The following WDR17 variants were observed in gnomAD, a reference collection of about 807,000 sequenced individuals.
WDR17 encodes the protein WD repeat domain 17.
In WDR17, 143 loss-of-function variants were observed where a neutral mutation model predicts 161.7. The observed-to-expected ratio is 0.88, with a 90% CI of 0.77 to 1.02. The LOEUF is 1.02. Among genes scored for constraint, WDR17 ranks in the 50% least tolerant of loss-of-function variants. The pLI, the probability that WDR17 is intolerant of heterozygous loss-of-function variation, is 0.00. For synonymous variants in WDR17, 517 were observed against 515.6 expected, an observed-to-expected ratio of 1.00 and a Z score of -0.04; for missense variants, 1,469 against 1,520.9, an observed-to-expected ratio of 0.97 and a Z score of 0.57.
At chr4:176,079,041 T>C (rs1734412098) in intron 1 of WDR17, among the ~76,000 whole-genome samples, 1 of 152,138 alleles carries the variant, frequency 6.6e-6, no homozygotes, top group Non-Finnish European at 1.5e-5. Context: ...CTGTACCCTT[T>C]GTGGCTTCTC....
intron 17 of WDR17, among the ~76,000 whole-genome samples, chr4:176,152,988 TATG>T (rs2126823641): frequency 6.6e-6 from 1 of 151,850 alleles, no homozygotes; most frequent in African/African-American, 2.4e-5. Context: ...TCTCTACCAA[TATG>T]ATATTAAGTG....
chr4:176,177,237 CATT>C (rs1751578384), intron 27 of WDR17, 81 bp downstream of exon 27: 3 of 1,264,824 alleles, frequency 2.4e-6, no homozygotes, highest in East Asian at 4.8e-5. Context: ...TGTGTGGTCT[CATT>C]AATTTTAGCA....
chr4:176,069,799 T>C (rs1732990887), intron 1 of WDR17, among the ~76,000 whole-genome samples: 1 of 152,126 alleles, frequency 6.6e-6, no homozygotes, highest in African/African-American at 2.4e-5. Context: ...AGCACTCGTG[T>C]TTAACATGCT....
chr4:176,131,842 T>C (rs763059339), intron 7 of WDR17, 104 bp downstream of exon 7: 17 of 924,930 alleles, frequency 1.8e-5, no homozygotes, highest in Non-Finnish European at 2.3e-5. Flanking sequence ...TTTTTGTAAG[T>C]AATAATATAC....
chr4:176,087,282 G>A (rs541351450), intron 1 of WDR17, among the ~76,000 whole-genome samples: 51 of 151,798 alleles, frequency 3.4e-4, no homozygotes, highest in African/African-American at 1.1e-3. Context: ...CAATGAAAAC[G>A]TTCATATTCT....
In WDR17 at chr4:176,146,191, C is replaced by T. The variant is rs746850646; in HGVS notation, c.1694+32C>T. On this transcript the variant is annotated intron_variant, in intron 12 of 28. Transcript: ENST00000508596. ...ATTTTTGGATTCTAATTTTCTAGTC[C>T]TTAAAATCATAAGCTTATATTTTCC... 5.6e-6 allele frequency: 9 copies of T among 1,596,784 alleles called. No homozygotes were observed. The South Asian group carries it at 9.0e-5, about 16-fold the overall frequency.
At chr4:176,072,850 T>G (rs1733418577) in intron 1 of WDR17, among the ~76,000 whole-genome samples, 1 of 152,180 alleles carries the variant, frequency 6.6e-6, no homozygotes, top group African/African-American at 2.4e-5. Flanking sequence ...AAAAGTGAGT[T>G]TCACAAAACT....
intron 12 of WDR17, among the ~76,000 whole-genome samples, chr4:176,147,616 A>G (rs1746393982): frequency 6.6e-6 from 1 of 152,134 alleles, no homozygotes; most frequent in African/African-American, 2.4e-5. Context: ...TAATATATTA[A>G]ATTACTGTAT....
chr4:176,128,999 C>G, intron 6 of WDR17, 139 bp downstream of exon 6: 1 of 686,790 alleles, frequency 1.5e-6, no homozygotes, highest in Non-Finnish European at 2.2e-6. Flanking sequence ...TATATGTGCT[C>G]AAGGATCCAT....
chr4:176,078,192 G>T (rs963650818), intron 1 of WDR17, among the ~76,000 whole-genome samples: 21 of 152,026 alleles, frequency 1.4e-4, no homozygotes, highest in Middle Eastern at 3.4e-3. Context: ...ATGGATAGTG[G>T]ATTGTTTTTA....
intron 1 of WDR17, among the ~76,000 whole-genome samples, chr4:176,085,619 T>C (rs779210461): frequency 2.6e-5 from 4 of 152,080 alleles, no homozygotes; most frequent in Non-Finnish European, 5.9e-5. Context: ...TATTTTTTTA[T>C]GTCAGTAAGT....
chr4:176,143,046 A>G (rs1745539266), intron 11 of WDR17, among the ~76,000 whole-genome samples: 1 of 151,980 alleles, frequency 6.6e-6, no homozygotes, highest in Admixed American at 6.6e-5. Flanking sequence ...CGCCCAGCTA[A>G]TTTTGTATTT....
chr4:176,093,270 T>C (rs1023478397), intron 1 of WDR17, among the ~76,000 whole-genome samples: 2 of 152,052 alleles, frequency 1.3e-5, no homozygotes, highest in African/African-American at 4.8e-5. Flanking sequence ...CCCAAAACAA[T>C]CTACACATTC....
At chr4:176,117,229 T>C (rs1293358892) in intron 3 of WDR17, among the ~76,000 whole-genome samples, 2 of 152,006 alleles carry the variant, frequency 1.3e-5, no homozygotes, top group Admixed American at 6.5e-5. Context: ...ATTAAGACTT[T>C]TCATATCTCC....
intron 18 of WDR17, 135 bp from the exon 19 acceptor site, chr4:176,159,859 T>C: frequency 1.4e-6 from 1 of 735,652 alleles, no homozygotes; most frequent in Non-Finnish European, 2.0e-6. Flanking sequence ...TTATAAAATG[T>C]CTTTTTTAAA....
chr4:176,144,634 C>G (rs577805350), intron 11 of WDR17, among the ~76,000 whole-genome samples: 2 of 152,126 alleles, frequency 1.3e-5, no homozygotes, highest in South Asian at 2.1e-4. Context: ...CACTGGAAGT[C>G]CTTTATATTT....
chr4:176,158,678 C>T (rs1748539305), intron 18 of WDR17, among the ~76,000 whole-genome samples: 1 of 152,076 alleles, frequency 6.6e-6, no homozygotes, highest in African/African-American at 2.4e-5. Flanking sequence ...AAGAAGGAGA[C>T]TGAAGCAAGA....
At position 176,162,178 on chromosome 4, in the gene WDR17, C is replaced by G. The variant is rs113112824; in HGVS notation, c.2850+4C>G. On this transcript the variant is annotated splice_donor_region_variant and intron_variant, in intron 21 of 28. Coordinates refer to ENST00000508596, the MANE Select transcript of WDR17 (RefSeq NM_181265.4). ...TCTTGCCATAGATAATATTGAGGTACGACATTTAAAACTGGTTTATGTGAA... is the reference window on the plus strand; with the variant it reads ...TCTTGCCATAGATAATATTGAGGTAGGACATTTAAAACTGGTTTATGTGAA... 1 of 1,609,806 alleles carries G rather than the reference C, an allele frequency of 6.2e-7. No individual in the cohort carries two copies. The highest frequency in any genetic ancestry group is 8.5e-7 in the Non-Finnish European group (1 of 1,178,048).
intron 1 of WDR17, among the ~76,000 whole-genome samples, chr4:176,087,997 CTAT>C (rs775629815): frequency 6.6e-5 from 10 of 151,978 alleles, no homozygotes; most frequent in Non-Finnish European, 1.3e-4. Context: ...GTGTGTACCA[CTAT>C]ACCTGGCTAA....
Sources: gnomAD v4.1 joint callset for allele counts (sites outside exome capture counted in the v4.1 genomes callset) on GRCh38, gnomAD v4.1.1 for gene constraint, MANE v1.5 for transcripts, NCBI Gene and HGNC (gene_info 2026-07-23, HGNC 2026-07-21) for gene names.